The following SNTA1 variants were observed in gnomAD, a reference collection of about 807,000 sequenced individuals.
SNTA1 encodes syntrophin alpha 1.
SNTA1 carries 31 observed loss-of-function variants against 47.1 expected under a neutral mutation model. The observed-to-expected ratio is 0.66, with a 90% confidence interval of 0.49 to 0.89. The LOEUF is 0.89. SNTA1 is among the 40% of genes least tolerant of loss of function. The probability of loss-of-function intolerance (pLI) is 0.00; values close to 1 mark genes in which losing one functional copy is unlikely to be tolerated. For missense variants in SNTA1, 575 were observed against 693.0 expected (o/e 0.83, Z 1.91); for synonymous variants, 300 against 313.6 (o/e 0.96, Z 0.46).
intron 2 of SNTA1, among the ~76,000 whole-genome samples, chr20:33,421,608 G>A (rs200232584): frequency 2.3e-4 from 34 of 149,506 alleles, no homozygotes; most frequent in East Asian, 2.2e-3. Context: ...GTGAAACTCC[G>A]TCTCAAAAAA....
chr20:33,410,261 C>G lies in SNTA1; in HGVS notation c.1111G>C (p.Gly371Arg), dbSNP rs1481575258. The change falls in exon 6 of 8, where the codon GGC becomes CGC. Residue 371 changes from glycine (G) to arginine (R), a missense_variant. Coordinates refer to ENST00000217381, the MANE Select transcript of SNTA1 (RefSeq NM_003098.3). ...DAELSFALRT[G>R]TRHGVDTHLF... ...TGAGTGTCCACACCGTGACGCGTGC[C>G]CGTGCGCAGGGCAAAAGAGAGCTCT... 2 of 1,612,844 alleles carry G rather than the reference C, an allele frequency of 1.2e-6. No homozygotes were observed. The highest frequency in any genetic ancestry group is 1.7e-6 in the Non-Finnish European group (2 of 1,179,876).
chr20:33,413,651 G>C (rs929905361), intron 3 of SNTA1, among the ~76,000 whole-genome samples: 1 of 151,736 alleles, frequency 6.6e-6, no homozygotes, highest in African/African-American at 2.4e-5. Flanking sequence ...AACTAAGCTG[G>C]ACATGGTGGC....
In SNTA1 at chr20:33,408,756, G is replaced by A; in HGVS notation, c.1370C>T (p.Ser457Leu). ...RQPFEKLQMS[S>L]DDGASLLFLD... ...GAAAAGGAGACTGGCACCGTCATCT[G>A]AAGACATCTGCAGCTTCTCGAAGGG... The change falls in exon 7 of 8, where the codon TCA (serine) becomes TTA (leucine). Residue 457 changes from serine (S) to leucine (L), a missense_variant. Coordinates refer to ENST00000217381, the MANE Select transcript of SNTA1 (RefSeq NM_003098.3). 1 of 1,614,180 alleles carries A rather than the reference G, an allele frequency of 6.2e-7. No homozygotes were observed. The highest frequency in any genetic ancestry group is 8.5e-7 in the Non-Finnish European group (1 of 1,180,034).
intron 2 of SNTA1, 58 bp from the exon 3 acceptor site, chr20:33,417,981 C>A: frequency 1.8e-6 from 2 of 1,105,708 alleles, no homozygotes; most frequent in Non-Finnish European, 1.4e-6. Flanking sequence ...GCACATATCA[C>A]AATTGTCACT....
In SNTA1 at chr20:33,412,570, G is replaced by A. The variant is rs1358717573; in HGVS notation, c.909+5C>T. 6.2e-7 allele frequency: 1 copy of A among 1,612,672 alleles called. No individual in the cohort carries two copies. The highest frequency in any genetic ancestry group is 1.3e-5 in the African/African-American group (1 of 74,894). On this transcript the variant is annotated splice_donor_5th_base_variant and intron_variant, in intron 4 of 7. Coordinates refer to ENST00000217381, the MANE Select transcript of SNTA1 (RefSeq NM_003098.3). ...AGAGGGATAGGTCCCAGGCCCAGCA[G>A]GTACCTGCTCAGTTAGCCAGCCAAT...
chr20:33,416,532 C>T (rs990493091), intron 3 of SNTA1, among the ~76,000 whole-genome samples: 1 of 152,144 alleles, frequency 6.6e-6, no homozygotes, highest in Non-Finnish European at 1.5e-5. Flanking sequence ...GAGCCGGGAA[C>T]GATGGCTCAT....
At chr20:33,429,738 G>C (rs1361572131) in intron 2 of SNTA1, among the ~76,000 whole-genome samples, 1 of 152,122 alleles carries the variant, frequency 6.6e-6, no homozygotes, top group Non-Finnish European at 1.5e-5. Context: ...CTCAGCCTCT[G>C]AAAGTGCTGG....
At chr20:33,432,665 C>G (rs1163065843) in intron 2 of SNTA1, among the ~76,000 whole-genome samples, 1 of 152,154 alleles carries the variant, frequency 6.6e-6, no homozygotes, top group African/African-American at 2.4e-5. Context: ...GAGTTCAAGA[C>G]TAGCCTGGAC....
At chr20:33,420,468 TCTC>T (rs1332530904) in intron 2 of SNTA1, among the ~76,000 whole-genome samples, 1 of 152,094 alleles carries the variant, frequency 6.6e-6, no homozygotes, top group Non-Finnish European at 1.5e-5. Context: ...AACTGCTACA[TCTC>T]CTTGCTACAA....
chr20:33,424,041 G>A (rs991994600), intron 2 of SNTA1, among the ~76,000 whole-genome samples: 2 of 152,086 alleles, frequency 1.3e-5, no homozygotes, highest in African/African-American at 2.4e-5. Flanking sequence ...ACGGCCGGGC[G>A]CGGTGGCTCA....
chr20:33,424,391 G>A (rs1344453652), intron 2 of SNTA1, among the ~76,000 whole-genome samples: 2 of 151,460 alleles, frequency 1.3e-5, no homozygotes, highest in Non-Finnish European at 1.5e-5. Flanking sequence ...AAAGAAATCT[G>A]GGCCAGGCAC....
intron 2 of SNTA1, among the ~76,000 whole-genome samples, chr20:33,431,895 A>T (rs890453279): frequency 6.6e-6 from 1 of 152,218 alleles, no homozygotes; most frequent in African/African-American, 2.4e-5. Context: ...AGCCAGGGTC[A>T]CACAGCTCGT....
chr20:33,421,015 A>T (rs954179160), intron 2 of SNTA1, among the ~76,000 whole-genome samples: 2 of 150,748 alleles, frequency 1.3e-5, no homozygotes, highest in Admixed American at 1.3e-4. Flanking sequence ...AGTAAAATTT[A>T]AAAAAAAATT....
intron 2 of SNTA1, among the ~76,000 whole-genome samples, chr20:33,425,843 G>A (rs1457395561): frequency 4.6e-5 from 7 of 152,106 alleles, no homozygotes; most frequent in African/African-American, 9.7e-5. Flanking sequence ...AGGTCGAGGC[G>A]GGCAGATCAA....
chr20:33,408,206 C>T lies in SNTA1; in HGVS notation c.*301G>A, dbSNP rs960787791. 1.2e-5 allele frequency: 5 copies of T among 433,992 alleles called. No individual in the cohort carries two copies. The highest frequency in any genetic ancestry group is 4.6e-5 in the East Asian group (1 of 21,894). 26.9% of individuals were successfully genotyped at this position (433,992 alleles called of 1,614,324 possible). A position where few individuals can be genotyped will look rare whatever the true frequency, so the allele number is the denominator to read the frequency against. Reference sequence around the variant, plus strand: ...TCAGCTGTTGGCTGGGGTCAGGATCCGCACAGGGGCAGGTCCCAGACTCGG... The same window carrying T: ...TCAGCTGTTGGCTGGGGTCAGGATCTGCACAGGGGCAGGTCCCAGACTCGG... On this transcript the variant is annotated 3_prime_UTR_variant, in exon 8 of 8. Coordinates refer to ENST00000217381, the MANE Select transcript of SNTA1 (RefSeq NM_003098.3).
At chr20:33,429,632 A>AAAAAAC (rs1246209690) in intron 2 of SNTA1, among the ~76,000 whole-genome samples, 4 of 152,244 alleles carry the variant, frequency 2.6e-5, no homozygotes, top group East Asian at 1.9e-4. Context: ...CTCCATCTCA[A>AAAAAAC]AAAAACAAAA....
Position 33,443,716 on chromosome 20 carries a change from C to A in SNTA1, c.-96G>T. The A allele has an allele frequency of 1.3e-6, 1 of 787,128 alleles. No individual in the cohort carries two copies. Among genetic ancestry groups the A allele is most frequent in the Non-Finnish European group, 1.6e-6 (1 of 617,598 alleles). 48.8% of individuals were successfully genotyped at this position (787,128 alleles called of 1,614,324 possible). ...CCCAGGGCAGAGGGCAGCGGGGGCCCGGCTGGGCCAGCCGCCACCCTACCC... is the reference window on the plus strand; with the variant it reads ...CCCAGGGCAGAGGGCAGCGGGGGCCAGGCTGGGCCAGCCGCCACCCTACCC... On this transcript the variant is annotated 5_prime_UTR_variant, in exon 1 of 8. Coordinates refer to ENST00000217381, the MANE Select transcript of SNTA1 (RefSeq NM_003098.3).
intron 2 of SNTA1, among the ~76,000 whole-genome samples, chr20:33,431,584 C>T (rs952377193): frequency 2.6e-5 from 4 of 151,536 alleles, no homozygotes; most frequent in African/African-American, 9.7e-5. Context: ...CCCATCTCTA[C>T]TAAAAATACA....
At chr20:33,442,889 G>T (rs1000280563) in intron 1 of SNTA1, among the ~76,000 whole-genome samples, 1 of 151,974 alleles carries the variant, frequency 6.6e-6, no homozygotes, top group Non-Finnish European at 1.5e-5. Flanking sequence ...CAGACTCCAG[G>T]CTTCCCCTCT....
Sources: gnomAD v4.1 joint callset for allele counts (sites outside exome capture counted in the v4.1 genomes callset) on GRCh38, gnomAD v4.1.1 for gene constraint, MANE v1.5 for transcripts, NCBI Gene and HGNC (gene_info 2026-07-23, HGNC 2026-07-21) for gene names.